Variants in FBN2 observed in about 807,000 individuals in gnomAD.
The protein encoded by FBN2 is fibrillin-2.
FBN2 carries 105 observed loss-of-function variants against 355.6 expected under a neutral mutation model. The ratio of observed to expected loss-of-function variants is 0.30; its 90% CI spans 0.25 to 0.35. FBN2 has a LOEUF of 0.35. FBN2 is among the 10% of genes least tolerant of loss of function. The probability of loss-of-function intolerance (pLI) is 1.00; values close to 1 mark genes in which losing one functional copy is unlikely to be tolerated. For synonymous variants in FBN2, 1,350 were observed against 1,301.2 expected (o/e 1.04, Z -0.81); for missense variants, 3,280 against 3,758.7 (o/e 0.87, Z 3.33).
In FBN2 at chr5:128,531,216, A is replaced by C. The variant is rs570455465; in HGVS notation, c.338-523T>G. On this transcript the variant is annotated intron_variant, in intron 2 of 64. Transcript: ENST00000262464. ...TATATATCACCATATATATAATGGA[A>C]TACTATGCGGCCATAAAAATGAATG... is the stretch of plus-strand genomic sequence containing the variant. Among the ~76,000 whole-genome samples the C allele has an allele frequency of 2.0e-5, 3 of 152,262 alleles. No individual in the cohort carries two copies. In the East Asian group the frequency reaches 5.8e-4, roughly 29 times the overall value.
intron 8 of FBN2, among the ~76,000 whole-genome samples, chr5:128,396,799 A>G (rs983352216): frequency 1.3e-5 from 2 of 152,230 alleles, no homozygotes; most frequent in African/African-American, 4.8e-5. Context: ...AGATGCTTTC[A>G]AAGTTGTTTT....
At chr5:128,440,538 G>C (rs563058833) in intron 7 of FBN2, among the ~76,000 whole-genome samples, 4 of 152,176 alleles carry the variant, frequency 2.6e-5, no homozygotes, top group Admixed American at 2.6e-4. Flanking sequence ...GAACAGCAAG[G>C]AAGAAATCTG....
intron 11 of FBN2, among the ~76,000 whole-genome samples, chr5:128,391,389 A>G (rs1171144625): frequency 1.3e-5 from 2 of 152,200 alleles, no homozygotes; most frequent in Non-Finnish European, 2.9e-5. Context: ...AAGGTTTGCA[A>G]AAATGTAAAA....
In FBN2 at chr5:128,458,375, C is replaced by A. The variant is rs1754463024; in HGVS notation, c.826+6349G>T. Among the ~76,000 whole-genome samples, 3 of 151,716 alleles carry A rather than the reference C, an allele frequency of 2.0e-5. 1 individual carries two copies. The South Asian group carries it at 6.2e-4, about 32-fold the overall frequency. On this transcript the variant is annotated intron_variant, in intron 6 of 64. Coordinates refer to ENST00000262464, the MANE Select transcript of FBN2 (RefSeq NM_001999.4). ...AATAATAGTGGGAGACTTTAACACCCCACTGTCAGTACTAGACGGATAAAT... is the reference window on the plus strand; with the variant it reads ...AATAATAGTGGGAGACTTTAACACCACACTGTCAGTACTAGACGGATAAAT...
At chr5:128,513,271 T>C (rs1756181595) in intron 5 of FBN2, among the ~76,000 whole-genome samples, 1 of 152,250 alleles carries the variant, frequency 6.6e-6, no homozygotes, top group African/African-American at 2.4e-5. Flanking sequence ...ACTTCCCCCA[T>C]ATACATGCAC....
intron 64 of FBN2, 68 bp downstream of exon 64, chr5:128,261,668 G>T (rs1764974204): frequency 6.9e-7 from 1 of 1,449,366 alleles, no homozygotes; most frequent in African/African-American, 1.4e-5. Flanking sequence ...AAAACGACGT[G>T]AACTGCACTG....
chr5:128,294,791 T>C (rs1324665284), intron 48 of FBN2, among the ~76,000 whole-genome samples: 1 of 149,038 alleles, frequency 6.7e-6, no homozygotes, highest in Non-Finnish European at 1.5e-5. Context: ...AGGTTGCCTG[T>C]TCACTCTGAT....
At chr5:128,368,107 T>C (rs1001479178) in intron 16 of FBN2, among the ~76,000 whole-genome samples, 1 of 152,120 alleles carries the variant, frequency 6.6e-6, no homozygotes, top group Non-Finnish European at 1.5e-5. Context: ...TGCTCCTTCC[T>C]CTGTGCTCTC....
intron 15 of FBN2, 94 bp from the exon 16 acceptor site, chr5:128,369,428 C>T (rs2126947769): frequency 2.4e-6 from 3 of 1,254,534 alleles, no homozygotes; most frequent in South Asian, 2.5e-5. Flanking sequence ...GGCCACTAGA[C>T]TGGAAGCTTT....
rs1428775284 is a variant in FBN2, at chr5:128,312,787, C to T, written c.4726G>A (p.Val1576Met). The stretch of plus-strand genomic sequence containing the variant: ...CCAAACTTCAGGTAGCAGTTGCCCA[C>T]ACGGTTGTCTGCAGAGCAACAAAGG... ...PTGVGCVDNR[V>M]GNCYLKFGPR... Residue 1576 changes from valine (V) to methionine (M), a missense_variant, in exon 37 of 65, where the codon GTG becomes ATG. Physicochemically the swap from Val to Met is conservative, Grantham distance 21. Coordinates refer to ENST00000262464, the MANE Select transcript of FBN2 (RefSeq NM_001999.4). 1.9e-6 allele frequency: 3 copies of T among 1,613,590 alleles called. No individual in the cohort carries two copies. Among genetic ancestry groups the T allele is most frequent in the South Asian group, 1.1e-5 (1 of 91,080 alleles).
chr5:128,307,431 G>C (rs935667739), intron 41 of FBN2, among the ~76,000 whole-genome samples: 2 of 151,686 alleles, frequency 1.3e-5, no homozygotes, highest in Non-Finnish European at 2.9e-5. Flanking sequence ...ACTTTTTACT[G>C]CTCTGATATC....
chr5:128,505,498 T>A (rs189633025), intron 5 of FBN2, among the ~76,000 whole-genome samples: 1 of 152,296 alleles, frequency 6.6e-6, no homozygotes, highest in Non-Finnish European at 1.5e-5. Flanking sequence ...ACAATCAGCA[T>A]CATATATTTA....
At chr5:128,310,363 CACATATATAT>C (rs1428446670) in intron 39 of FBN2, among the ~76,000 whole-genome samples, 52 of 58,956 alleles carry the variant, frequency 8.8e-4, no homozygotes, top group African/African-American at 2.7e-3. Context: ...ATTTCCTTGG[CACATATATAT>C]ATATATATAT....
chr5:128,290,388 G>C (rs1472137305), intron 50 of FBN2, among the ~76,000 whole-genome samples: 1 of 152,196 alleles, frequency 6.6e-6, no homozygotes, highest in Non-Finnish European at 1.5e-5. Context: ...CACAGCCTGT[G>C]ATACAATGCC....
chr5:128,298,350 G>A (rs1241585007), intron 48 of FBN2, among the ~76,000 whole-genome samples: 19 of 151,650 alleles, frequency 1.3e-4, no homozygotes, highest in African/African-American at 3.9e-4. Context: ...TCTTTGTGGC[G>A]TTCTCTGTAT....
In FBN2 at chr5:128,378,838, T is replaced by G; in HGVS notation, c.1656A>C (p.Thr552=). The stretch of plus-strand genomic sequence containing the variant: ...GACATTTACAATAATAGGAACCAGG[T>G]GTGTTAACACAATCTCCATTAGTGC... ...NPCTNGDCVN[T]PGSYYCKCHA... The change falls in exon 12 of 65, where the codon ACA becomes ACC. Residue 552 remains threonine (T), a synonymous_variant. Coordinates refer to ENST00000262464, the MANE Select transcript of FBN2 (RefSeq NM_001999.4). 4 of 1,613,210 alleles carry G rather than the reference T, an allele frequency of 2.5e-6. No homozygotes were observed. The highest frequency in any genetic ancestry group is 3.4e-6 in the Non-Finnish European group (4 of 1,179,330).
At chr5:128,436,944 C>T (rs982445542) in intron 7 of FBN2, among the ~76,000 whole-genome samples, 4 of 152,178 alleles carry the variant, frequency 2.6e-5, no homozygotes, top group African/African-American at 9.7e-5. Context: ...GTTCTTCAAT[C>T]AGGCACCCAG....
intron 5 of FBN2, among the ~76,000 whole-genome samples, chr5:128,494,812 C>G (rs990469134): frequency 1.3e-5 from 2 of 152,106 alleles, no homozygotes; most frequent in Non-Finnish European, 1.5e-5. Context: ...TATCAAGACC[C>G]TGGGGTGTGG....
At chr5:128,357,601 A>G (rs1751536011) in intron 19 of FBN2, among the ~76,000 whole-genome samples, 1 of 152,188 alleles carries the variant, frequency 6.6e-6, no homozygotes, top group Non-Finnish European at 1.5e-5. Flanking sequence ...ACTCAGTAGG[A>G]CCACAGTGAT....
Sources: gnomAD v4.1 joint callset for allele counts (sites outside exome capture counted in the v4.1 genomes callset) on GRCh38, gnomAD v4.1.1 for gene constraint, MANE v1.5 for transcripts, NCBI Gene and HGNC (gene_info 2026-07-23, HGNC 2026-07-21) for gene names.